KCNMA1: variants seen among roughly 807,000 people sequenced by gnomAD.
KCNMA1 encodes the protein potassium calcium-activated channel subfamily M alpha 1.
Under a neutral mutation model 140.0 loss-of-function variants are expected in KCNMA1, and 29 were observed. The ratio of observed to expected loss-of-function variants is 0.21; its 90% CI spans 0.15 to 0.28. The LOEUF (loss-of-function observed/expected upper bound fraction) is 0.28, where lower values mean the gene tolerates loss of function less well. Among genes scored for constraint, KCNMA1 ranks in the 10% least tolerant of loss-of-function variants. The pLI, the probability that KCNMA1 is intolerant of heterozygous loss-of-function variation, is 1.00. For missense variants in KCNMA1, 880 were observed against 1,602.2 expected (o/e 0.55, Z 7.70); for synonymous variants, 612 against 611.9 (o/e 1.00, Z 0.00).
intron 14 of KCNMA1, among the ~76,000 whole-genome samples, chr10:77,040,030 G>A (rs1018132387): frequency 4.0e-5 from 6 of 150,114 alleles, no homozygotes; most frequent in African/African-American, 1.2e-4. Context: ...CTATAGGTGT[G>A]CATCACCACA....
At chr10:76,931,353 T>C (rs1389364326) in intron 23 of KCNMA1, among the ~76,000 whole-genome samples, 1 of 152,070 alleles carries the variant, frequency 6.6e-6, no homozygotes, top group Admixed American at 6.6e-5. Flanking sequence ...GACAAAACTC[T>C]TAAATTTGTA....
At chr10:77,069,353 T>C (rs910070906) in intron 14 of KCNMA1, among the ~76,000 whole-genome samples, 1 of 152,198 alleles carries the variant, frequency 6.6e-6, no homozygotes, top group Non-Finnish European at 1.5e-5. Context: ...TTGCACAAAA[T>C]GCTTAACCTG....
chr10:77,014,897 A>G (rs1440257168), intron 17 of KCNMA1, among the ~76,000 whole-genome samples: 2 of 152,084 alleles, frequency 1.3e-5, no homozygotes, highest in Non-Finnish European at 2.9e-5. Flanking sequence ...CCCCTCCCTT[A>G]CTGCACACCT....
intron 3 of KCNMA1, among the ~76,000 whole-genome samples, chr10:77,226,359 T>C (rs944239456): frequency 6.6e-6 from 1 of 152,046 alleles, no homozygotes; most frequent in African/African-American, 2.4e-5. Context: ...TGGGCCTCAC[T>C]TGTTGATTTT....
At chr10:77,485,345 C>T (rs2098448583) in intron 1 of KCNMA1, among the ~76,000 whole-genome samples, 1 of 152,130 alleles carries the variant, frequency 6.6e-6, no homozygotes, top group Non-Finnish European at 1.5e-5. Context: ...TTTGTGCATC[C>T]CACTTTGGAG....
intron 1 of KCNMA1, among the ~76,000 whole-genome samples, chr10:77,417,884 T>C (rs1352514615): frequency 1.3e-5 from 2 of 152,168 alleles, no homozygotes; most frequent in Non-Finnish European, 2.9e-5. Context: ...GGCAGAAAGA[T>C]GGCCAGGTTA....
intron 5 of KCNMA1, among the ~76,000 whole-genome samples, chr10:77,182,593 T>C (rs1464260033): frequency 6.6e-6 from 1 of 152,184 alleles, no homozygotes; most frequent in Non-Finnish European, 1.5e-5. Context: ...TTACAATGCA[T>C]GCATATTACT....
At chr10:76,948,594 G>GAC (rs2065104984) in intron 22 of KCNMA1, among the ~76,000 whole-genome samples, 1 of 152,018 alleles carries the variant, frequency 6.6e-6, no homozygotes. Context: ...TGCACACACG[G>GAC]ACACACACAC....
chr10:77,390,525 G>T (rs150056741), intron 2 of KCNMA1, among the ~76,000 whole-genome samples: 1 of 152,182 alleles, frequency 6.6e-6, no homozygotes, highest in South Asian at 2.1e-4. Context: ...GCCCATGCAG[G>T]TGCCTCAGGG....
At chr10:76,959,636 G>A (rs2070114832) in intron 20 of KCNMA1, among the ~76,000 whole-genome samples, 1 of 152,152 alleles carries the variant, frequency 6.6e-6, no homozygotes, top group South Asian at 2.1e-4. Context: ...TACTAGCTCT[G>A]ATTATGGTGA....
At chr10:77,187,878 C>T (rs184684407) in intron 3 of KCNMA1, among the ~76,000 whole-genome samples, 89 of 152,174 alleles carry the variant, frequency 5.8e-4, no homozygotes, top group African/African-American at 1.9e-3. Context: ...CAATCAGAGA[C>T]CACAGAGTGG....
intron 14 of KCNMA1, among the ~76,000 whole-genome samples, chr10:77,049,609 G>C (rs973276151): frequency 1.3e-5 from 2 of 152,144 alleles, no homozygotes; most frequent in African/African-American, 2.4e-5. Context: ...AGAGGTGCTG[G>C]GTTAATATCT....
At chr10:77,361,721 C>T (rs1729193412) in intron 2 of KCNMA1, among the ~76,000 whole-genome samples, 3 of 152,234 alleles carry the variant, frequency 2.0e-5, no homozygotes, top group Admixed American at 2.0e-4. Context: ...AGCACTGGCT[C>T]CAGTTGGGAG....
At chr10:77,120,913 G>A (rs1490187120) in intron 6 of KCNMA1, 60 bp downstream of exon 6, 6 of 907,702 alleles carry the variant, frequency 6.6e-6, no homozygotes, top group Non-Finnish European at 1.1e-5. Context: ...AAGCACACCT[G>A]ATATTTGCAA....
intron 12 of KCNMA1, among the ~76,000 whole-genome samples, chr10:77,083,003 T>C (rs2096614071): frequency 6.6e-6 from 1 of 152,142 alleles, no homozygotes; most frequent in African/African-American, 2.4e-5. Flanking sequence ...ACAAAGGCAA[T>C]GCAAACATTG....
intron 1 of KCNMA1, among the ~76,000 whole-genome samples, chr10:77,472,708 C>T (rs756129249): frequency 6.6e-6 from 1 of 152,208 alleles, no homozygotes. Flanking sequence ...TTTGGCACTA[C>T]AATATAAATA....
chr10:76,983,962 T>C (rs1433466695), intron 19 of KCNMA1, among the ~76,000 whole-genome samples: 1 of 152,174 alleles, frequency 6.6e-6, no homozygotes, highest in African/African-American at 2.4e-5. Context: ...TGGGTATGTG[T>C]GGACAAAATA....
chr10:76,895,450 T>C (rs1028012056), intron 25 of KCNMA1, among the ~76,000 whole-genome samples: 1 of 152,114 alleles, frequency 6.6e-6, no homozygotes, highest in African/African-American at 2.4e-5. Flanking sequence ...ATACCCAAGA[T>C]AAATAAAAAT....
rs2063204408 is a variant in KCNMA1, at chr10:77,552,904, C to T, written c.378+84361G>A. 2.0e-5 allele frequency among the ~76,000 whole-genome samples: 3 copies of T among 152,230 alleles called. No individual in the cohort carries two copies. The South Asian group carries it at 6.2e-4, about 32-fold the overall frequency. On this transcript the variant is annotated intron_variant, in intron 1 of 27. Transcript: ENST00000286628. ...TCTCCACTAAAAATACAAAAATTAG[C>T]CAGGCATGGTGGTGCACACCTGTAG...
Sources: allele counts gnomAD v4.1 joint callset (sites outside exome capture counted in the v4.1 genomes callset), GRCh38; gene constraint gnomAD v4.1.1; transcripts MANE v1.5; gene names NCBI Gene and HGNC (gene_info 2026-07-23, HGNC 2026-07-21).